Variants in ZDHHC23 observed in about 807,000 individuals in gnomAD.
ZDHHC23 encodes the protein zDHHC palmitoyltransferase 23, also known as palmitoyltransferase ZDHHC23.
Under a neutral mutation model 40.2 loss-of-function variants are expected in ZDHHC23, and 41 were observed. The ratio of observed to expected loss-of-function variants is 1.02; its 90% CI spans 0.79 to 1.32. The LOEUF (loss-of-function observed/expected upper bound fraction) is 1.32. ZDHHC23 is among the 40% of genes most tolerant of loss of function. The pLI is 0.00. For missense variants in ZDHHC23, 471 were observed against 541.5 expected (o/e 0.87, Z 1.29); for synonymous variants, 204 against 210.2 (o/e 0.97, Z 0.26).
At position 113,948,677 on chromosome 3, in the gene ZDHHC23, A is replaced by G; in HGVS notation, c.-117-9A>G. The G allele has an allele frequency of 8.8e-7, 1 of 1,132,548 alleles. No homozygotes were observed. The highest frequency in any genetic ancestry group is 1.2e-6 in the Non-Finnish European group (1 of 805,094). The allele number at this position is 1,132,548 out of a possible 1,614,324, so 70.2% of individuals were successfully genotyped here. A position where few individuals can be genotyped will look rare whatever the true frequency, so the allele number is the denominator to read the frequency against. On this transcript the variant is annotated splice_polypyrimidine_tract_variant and intron_variant, in intron 1 of 4. Coordinates refer to ENST00000638807, the MANE Select transcript of ZDHHC23 (RefSeq NM_001320466.2). ...CTCCCCCTCTCTCTTCTCATTTTTGATTGCTCAGGCGTTGGAGGTTAAGCA... is the reference window on the plus strand; with the variant it reads ...CTCCCCCTCTCTCTTCTCATTTTTGGTTGCTCAGGCGTTGGAGGTTAAGCA...
chr3:113,970,852 A>G, the ZDHHC23 span, among the ~76,000 whole-genome samples: 2 of 152,242 alleles, frequency 1.3e-5, 1 homozygote, highest in South Asian at 4.2e-4. Flanking sequence ...TTTGCTGAGA[A>G]TGACGGTTTC....
downstream of ZDHHC23, chr3:113,964,305 T>C (rs1939893955): frequency 6.6e-6 from 1 of 152,204 alleles, no homozygotes; most frequent in South Asian, 2.1e-4. Context: ...AAAAATTATT[T>C]TTCTAGCAGG....
chr3:113,953,990 A>T lies in ZDHHC23; in HGVS notation c.452A>T (p.Tyr151Phe). 6.2e-7 allele frequency: 1 copy of T among 1,614,168 alleles called. No individual in the cohort carries two copies. Among genetic ancestry groups the T allele is most frequent in the Non-Finnish European group, 8.5e-7 (1 of 1,180,038 alleles). The change falls in exon 3 of 5, where the codon TAC (tyrosine) becomes TTC (phenylalanine). Residue 151 changes from tyrosine (Y) to phenylalanine (F), a missense_variant. This residue lies in a region of ZDHHC23 where 346 missense variants were observed against 399.8 expected (regional missense o/e 0.87). Transcript: ENST00000638807. ...FLSLGLFSLG[Y>F]MYYVFLQEVV... ...AGCCTTGGACTGTTCTCTCTGGGCT[A>T]CATGTACTATGTGTTCCTGCAGGAA...
chr3:113,963,539 C>T (rs1024131741), downstream of ZDHHC23, among the ~76,000 whole-genome samples: 3 of 132,354 alleles, frequency 2.3e-5, no homozygotes, highest in Admixed American at 2.7e-4. Context: ...GAGTTCAAGA[C>T]TAGCCTGGGC....
downstream of ZDHHC23, among the ~76,000 whole-genome samples, chr3:113,968,232 C>CTAA (rs1459892138): frequency 6.6e-6 from 1 of 152,144 alleles, no homozygotes; most frequent in African/African-American, 2.4e-5. Context: ...AATGGCTGTA[C>CTAA]TAATTTACAC....
chr3:113,954,623 A>G (rs1010755690), intron 3 of ZDHHC23, among the ~76,000 whole-genome samples: 8 of 152,018 alleles, frequency 5.3e-5, no homozygotes, highest in African/African-American at 1.9e-4. Context: ...GGAGAATAAC[A>G]GAAAACTTGT....
Position 113,959,397 on chromosome 3 carries a change from T to G in ZDHHC23, c.*767T>G. 16 of 1,188,640 alleles carry G rather than the reference T, an allele frequency of 1.3e-5. No individual in the cohort carries two copies. Among genetic ancestry groups the G allele is most frequent in the Non-Finnish European group, 1.7e-5 (16 of 924,666 alleles). 73.6% of individuals were successfully genotyped at this position (1,188,640 alleles called of 1,614,324 possible). A position where few individuals can be genotyped will look rare whatever the true frequency, so the allele number is the denominator to read the frequency against. On this transcript the variant is annotated 3_prime_UTR_variant, in exon 5 of 5. Transcript: ENST00000638807. Reference sequence around the variant, plus strand: ...ATAAAGATAATTATTGCTAGTGTAATGTAGTGTGGCCATGAGTTTAGGTGA... The same window carrying G: ...ATAAAGATAATTATTGCTAGTGTAAGGTAGTGTGGCCATGAGTTTAGGTGA...
rs539985468 is a variant in ZDHHC23, at chr3:113,957,478, C to T, written c.1041-885C>T. On this transcript the variant is annotated intron_variant, in intron 4 of 4. Transcript: ENST00000638807. ...GCATGTGAATGAAATTCTCTGCTAA[C>T]GCTGCAGGTGAGGCCCGTCCTGAAG... is the stretch of plus-strand genomic sequence containing the variant. 5.5e-4 allele frequency: 197 copies of T among 356,478 alleles called. 1 individual carries two copies. The highest frequency in any genetic ancestry group is 1.3e-3 in the Admixed American group (35 of 26,078). The allele number at this position is 356,478 out of a possible 1,614,324, so 22.1% of individuals were successfully genotyped here.
the ZDHHC23 span, among the ~76,000 whole-genome samples, chr3:113,972,671 G>T: frequency 6.6e-6 from 1 of 152,138 alleles, no homozygotes; most frequent in Non-Finnish European, 1.5e-5. Context: ...GTGGCGTGTT[G>T]AAGTCCCCTA....
In ZDHHC23 at chr3:113,953,933, A is replaced by T. The variant is rs749497105; in HGVS notation, c.395A>T (p.His132Leu). ...GCACTGTGGTACTACTACCTCACTC[A>T]CAGAAGGAAAGAACAGACCCTGTTT... is the stretch of plus-strand genomic sequence containing the variant. ...VLALWYYYLT[H>L]RRKEQTLFFL... The change falls in exon 3 of 5, where the codon CAC (histidine) becomes CTC (leucine). Residue 132 changes from histidine to leucine, a missense_variant. His to Leu is a moderately conservative substitution (Grantham distance 99). This residue lies in a region of ZDHHC23 where 346 missense variants were observed against 399.8 expected (regional missense o/e 0.87). Coordinates refer to ENST00000638807, the MANE Select transcript of ZDHHC23 (RefSeq NM_001320466.2). 1.2e-6 allele frequency: 2 copies of T among 1,614,032 alleles called. No homozygotes were observed. Among genetic ancestry groups the T allele is most frequent in the Non-Finnish European group, 1.7e-6 (2 of 1,180,012 alleles).
chr3:113,958,066 G>C (rs1007656126), intron 4 of ZDHHC23, among the ~76,000 whole-genome samples: 7 of 152,150 alleles, frequency 4.6e-5, no homozygotes, highest in African/African-American at 1.7e-4. Context: ...AACAGGTGTT[G>C]AACGCTGTTA....
chr3:113,971,892 A>G, the ZDHHC23 span, among the ~76,000 whole-genome samples: 2 of 152,060 alleles, frequency 1.3e-5, no homozygotes, highest in African/African-American at 4.8e-5. Flanking sequence ...CTGTTTCTTC[A>G]TCATTCAATC....
chr3:113,965,624 C>G (rs1052956968), downstream of ZDHHC23, among the ~76,000 whole-genome samples: 4 of 152,118 alleles, frequency 2.6e-5, no homozygotes, highest in Non-Finnish European at 5.9e-5. Flanking sequence ...GAGTCTTGCT[C>G]TGTCGCCCAG....
At position 113,956,518 on chromosome 3, in the gene ZDHHC23, G is replaced by C. The variant is rs1409191963; in HGVS notation, c.1040+12G>C. 6.2e-7 allele frequency: 1 copy of C among 1,607,394 alleles called. No individual in the cohort carries two copies. Among genetic ancestry groups the C allele is most frequent in the African/African-American group, 1.3e-5 (1 of 74,672 alleles). On this transcript the variant is annotated intron_variant, in intron 4 of 4. Transcript: ENST00000638807. The stretch of plus-strand genomic sequence containing the variant: ...TATGCAAATTACAGGTGAGCAGTGG[G>C]TACCACAGTATGGAGGCCCCCTGGG...
intron 2 of ZDHHC23, among the ~76,000 whole-genome samples, chr3:113,951,186 A>G (rs902997149): frequency 6.6e-6 from 1 of 152,050 alleles, no homozygotes; most frequent in Non-Finnish European, 1.5e-5. Context: ...CTGTCCCCAC[A>G]GCTCCAAGCA....
At chr3:113,976,470 AAAT>A in the ZDHHC23 span, among the ~76,000 whole-genome samples, 5 of 152,072 alleles carry the variant, frequency 3.3e-5, no homozygotes, top group African/African-American at 1.2e-4. Flanking sequence ...TGAAAAATGG[AAAT>A]AATGACATCT....
chr3:113,979,243 T>A, the ZDHHC23 span, among the ~76,000 whole-genome samples: 1 of 152,132 alleles, frequency 6.6e-6, no homozygotes, highest in Non-Finnish European at 1.5e-5. Flanking sequence ...ACCACAGTGA[T>A]TTGCTGGTTA....
chr3:113,958,946 A>C lies in ZDHHC23; in HGVS notation c.*316A>C. 1.7e-6 allele frequency: 2 copies of C among 1,209,920 alleles called. No homozygotes were observed. Among genetic ancestry groups the C allele is most frequent in the Non-Finnish European group, 2.1e-6 (2 of 954,110 alleles). The allele number at this position is 1,209,920 out of a possible 1,614,324, so 74.9% of individuals were successfully genotyped here. A position where few individuals can be genotyped will look rare whatever the true frequency, so the allele number is the denominator to read the frequency against. Reference sequence around the variant, plus strand: ...AATTCCCATCCATTAGTATGGAGGAAAGAGTGTTGGATTAGGATAGTTTCT... The same window carrying C: ...AATTCCCATCCATTAGTATGGAGGACAGAGTGTTGGATTAGGATAGTTTCT... On this transcript the variant is annotated 3_prime_UTR_variant, in exon 5 of 5. Transcript: ENST00000638807.
the ZDHHC23 span, chr3:113,978,169 C>G: frequency 5.0e-6 from 8 of 1,613,488 alleles, no homozygotes; most frequent in Non-Finnish European, 6.8e-6. Context: ...GAATTTTCCT[C>G]ACTATCAAAA....
Sources: gnomAD v4.1 joint callset for allele counts (sites outside exome capture counted in the v4.1 genomes callset) on GRCh38, gnomAD v4.1.1 for gene constraint, gnomAD v4.1.1 regional missense constraint, MANE v1.5 for transcripts, NCBI Gene and HGNC (gene_info 2026-07-23, HGNC 2026-07-21) for gene names.